CCSER1: variants seen among roughly 807,000 people sequenced by gnomAD.
The protein encoded by CCSER1 is coiled-coil serine rich protein 1, also known as serine-rich coiled-coil domain-containing protein 1.
In CCSER1, 41 loss-of-function variants were observed where a neutral mutation model predicts 82.0. The ratio of observed to expected loss-of-function variants is 0.50; its 90% CI spans 0.39 to 0.65. The LOEUF (loss-of-function observed/expected upper bound fraction) is 0.65, where lower values mean the gene tolerates loss of function less well. Among genes scored for constraint, CCSER1 ranks in the 30% least tolerant of loss-of-function variants. The pLI is 0.00. For missense variants in CCSER1, 1,119 were observed against 1,064.2 expected, an observed-to-expected ratio of 1.05 and a Z score of -0.72; for synonymous variants, 414 against 383.9, an observed-to-expected ratio of 1.08 and a Z score of -0.92.
chr4:91,421,563 A>G (rs181387591), intron 10 of CCSER1, among the ~76,000 whole-genome samples: 5 of 152,182 alleles, frequency 3.3e-5, no homozygotes, highest in Non-Finnish European at 5.9e-5. Flanking sequence ...TCAAATGCTA[A>G]TCTCTTCCAG....
rs139761667 is a variant in CCSER1, at chr4:90,663,715, C to T, written c.1932+35483C>T. The T allele has an allele frequency of 2.3e-3, 359 of 156,812 alleles. 1 individual carries two copies. Among genetic ancestry groups the T allele is most frequent in the African/African-American group, 7.9e-3 (330 of 41,564 alleles). The allele number at this position is 156,812 out of a possible 1,614,324, so 9.7% of individuals were successfully genotyped here. ...TACAATATTTTAGTGAAAAATAAGT[C>T]AAATCTAAAACATATGTTTGCCAGT... is the stretch of plus-strand genomic sequence containing the variant. On this transcript the variant is annotated intron_variant, in intron 6 of 10. Coordinates refer to ENST00000509176, the MANE Select transcript of CCSER1 (RefSeq NM_001145065.2).
At chr4:90,934,277 G>T (rs1319206423) in intron 9 of CCSER1, among the ~76,000 whole-genome samples, 2 of 152,048 alleles carry the variant, frequency 1.3e-5, no homozygotes, top group African/African-American at 4.8e-5. Flanking sequence ...GACGTTATTT[G>T]TGTGTTATAA....
intron 1 of CCSER1, among the ~76,000 whole-genome samples, chr4:90,136,295 G>A (rs1180776237): frequency 6.6e-6 from 1 of 152,108 alleles, no homozygotes; most frequent in Middle Eastern, 3.2e-3. Context: ...CGAGGCTGCA[G>A]TGAGCTATGA....
intron 9 of CCSER1, among the ~76,000 whole-genome samples, chr4:91,049,763 A>G (rs958491235): frequency 6.6e-6 from 1 of 152,234 alleles, no homozygotes; most frequent in African/African-American, 2.4e-5. Flanking sequence ...ATGATTAACA[A>G]GTATCAATTT....
At chr4:91,300,663 T>G (rs1744595643) in intron 10 of CCSER1, among the ~76,000 whole-genome samples, 1 of 151,852 alleles carries the variant, frequency 6.6e-6, no homozygotes, top group African/African-American at 2.4e-5. Context: ...ATTTTTAGGA[T>G]ACTTCTGAAA....
intron 1 of CCSER1, among the ~76,000 whole-genome samples, chr4:90,289,523 C>A (rs182281761): frequency 6.6e-6 from 1 of 151,924 alleles, no homozygotes; most frequent in African/African-American, 2.4e-5. Flanking sequence ...CACTATCTTT[C>A]CTCATTTCCA....
intron 5 of CCSER1, among the ~76,000 whole-genome samples, chr4:90,496,458 T>G (rs868345164): frequency 6.6e-6 from 1 of 152,210 alleles, no homozygotes; most frequent in African/African-American, 2.4e-5. Context: ...TTCCTACATT[T>G]CACTGTTTAT....
At chr4:91,504,843 A>C (rs2110101307) in intron 10 of CCSER1, among the ~76,000 whole-genome samples, 1 of 152,300 alleles carries the variant, frequency 6.6e-6, no homozygotes, top group South Asian at 2.1e-4. Context: ...TGAGTGATAA[A>C]CCAAGTGAAT....
chr4:91,004,888 G>T (rs978803560), intron 9 of CCSER1, among the ~76,000 whole-genome samples: 3 of 152,172 alleles, frequency 2.0e-5, no homozygotes, highest in Non-Finnish European at 4.4e-5. Flanking sequence ...TCAGGTTGAT[G>T]AAATACAGTC....
chr4:91,388,607 T>A (rs1189351478), intron 10 of CCSER1, among the ~76,000 whole-genome samples: 1 of 152,082 alleles, frequency 6.6e-6, no homozygotes, highest in Non-Finnish European at 1.5e-5. Context: ...CTTATAGGTG[T>A]GTAGTGGTAT....
At chr4:90,854,122 T>G (rs758810427) in intron 8 of CCSER1, among the ~76,000 whole-genome samples, 4 of 152,140 alleles carry the variant, frequency 2.6e-5, no homozygotes, top group Non-Finnish European at 5.9e-5. Context: ...AAGCTAGAGA[T>G]ACAAAAATGA....
chr4:90,297,090 G>A (rs1302532909), intron 1 of CCSER1, among the ~76,000 whole-genome samples: 1 of 152,036 alleles, frequency 6.6e-6, no homozygotes, highest in African/African-American at 2.4e-5. Context: ...GGGCAGTATG[G>A]CCATTTTCAC....
chr4:91,030,373 C>T (rs1352367348), intron 9 of CCSER1, among the ~76,000 whole-genome samples: 1 of 152,060 alleles, frequency 6.6e-6, no homozygotes, highest in Non-Finnish European at 1.5e-5. Flanking sequence ...CTATTGAGCA[C>T]TTGAAATGTG....
intron 10 of CCSER1, among the ~76,000 whole-genome samples, chr4:91,457,202 G>A (rs540474155): frequency 1.3e-5 from 2 of 152,070 alleles, no homozygotes; most frequent in East Asian, 3.9e-4. Flanking sequence ...CTAGTTTACT[G>A]TAAAGAACAT....
intron 3 of CCSER1, among the ~76,000 whole-genome samples, chr4:90,313,379 C>T (rs956708149): frequency 6.6e-6 from 1 of 152,166 alleles, no homozygotes; most frequent in African/African-American, 2.4e-5. Context: ...CACATCTTCT[C>T]TCCACCATAT....
At chr4:90,760,949 A>C (rs1004656614) in intron 7 of CCSER1, among the ~76,000 whole-genome samples, 4 of 152,162 alleles carry the variant, frequency 2.6e-5, no homozygotes, top group Non-Finnish European at 5.9e-5. Flanking sequence ...TACTTAATCT[A>C]TTCTCAGAAT....
At chr4:90,749,130 G>A (rs1283988351) in intron 7 of CCSER1, among the ~76,000 whole-genome samples, 1 of 151,704 alleles carries the variant, frequency 6.6e-6, no homozygotes, top group African/African-American at 2.4e-5. Context: ...TGTCCTGAAT[G>A]GTAATGCCTA....
intron 3 of CCSER1, among the ~76,000 whole-genome samples, chr4:90,349,665 A>T (rs529216419): frequency 6.6e-6 from 1 of 152,126 alleles, no homozygotes; most frequent in South Asian, 2.1e-4. Context: ...CTGCTTTCCT[A>T]AAAGACTCCT....
At chr4:90,490,482 T>C (rs908848243) in intron 5 of CCSER1, among the ~76,000 whole-genome samples, 28 of 152,086 alleles carry the variant, frequency 1.8e-4, no homozygotes, top group African/African-American at 6.5e-4. Flanking sequence ...TGCCTGTTCA[T>C]TCTGATGGTA....
Sources: allele counts gnomAD v4.1 joint callset (sites outside exome capture counted in the v4.1 genomes callset), GRCh38; gene constraint gnomAD v4.1.1; transcripts MANE v1.5; gene names NCBI Gene and HGNC (gene_info 2026-07-23, HGNC 2026-07-21).